The following PAX9 variants were observed in gnomAD, a reference collection of about 807,000 sequenced individuals.
PAX9 encodes paired box 9, also known as paired box protein Pax-9.
Under a neutral mutation model 29.1 loss-of-function variants are expected in PAX9, and 6 were observed. That is an observed-to-expected ratio of 0.21 (90% CI 0.11 to 0.41). The LOEUF (loss-of-function observed/expected upper bound fraction) is 0.41. PAX9 is among the 10% of genes least tolerant of loss of function. PAX9 has a pLI of 1.00. For missense variants in PAX9, 443 were observed against 479.1 expected (o/e 0.92, Z 0.70); for synonymous variants, 217 against 211.7 (o/e 1.03, Z -0.22).
In PAX9 at chr14:36,678,477, T is replaced by C; in HGVS notation, c.*2025T>C. ...GTAAAACTTCCATTGACATCTGGAG[T>C]TCCCAGTCTGGTGAGAAAATAGACT... On this transcript the variant is annotated 3_prime_UTR_variant, in exon 4 of 4. Coordinates refer to ENST00000361487, the MANE Select transcript of PAX9 (RefSeq NM_001372076.1). 2 of 1,536,256 alleles carry C rather than the reference T, an allele frequency of 1.3e-6. No individual in the cohort carries two copies. Among genetic ancestry groups the C allele is most frequent in the Non-Finnish European group, 1.7e-6 (2 of 1,146,116 alleles).
chr14:36,666,733 G>A, intron 3 of PAX9, 132 bp downstream of exon 3: 12 of 1,216,576 alleles, frequency 9.9e-6, no homozygotes, highest in Non-Finnish European at 1.4e-5. Flanking sequence ...GCTGCTACGA[G>A]CCAGATCCTT....
chr14:36,667,244 C>T (rs1378514230), intron 3 of PAX9, among the ~76,000 whole-genome samples: 1 of 148,144 alleles, frequency 6.8e-6, no homozygotes, highest in Non-Finnish European at 1.5e-5. Context: ...TCAAATTATA[C>T]GGACTGGCTG....
chr14:36,662,944 G>T lies in PAX9; in HGVS notation c.52G>T (p.Gly18Trp), dbSNP rs1247129323. 1 of 1,613,020 alleles carries T rather than the reference G, an allele frequency of 6.2e-7. No homozygotes were observed. Among genetic ancestry groups the T allele is most frequent in the African/African-American group, 1.3e-5 (1 of 74,944 alleles). Residue 18 changes from glycine (G) to tryptophan (W), a missense_variant, in exon 2 of 4, where the codon GGG becomes TGG. Around this residue, in one of 2 missense-constraint regions of PAX9, gnomAD observed 107 missense variants for 161.9 expected, o/e 0.66. Coordinates refer to ENST00000361487, the MANE Select transcript of PAX9 (RefSeq NM_001372076.1). ...CCAGCTGGGAGGAGTGTTCGTGAAC[G>T]GGAGGCCGCTGCCCAACGCCATCCG... is the stretch of plus-strand genomic sequence containing the variant. ...VNQLGGVFVN[G>W]RPLPNAIRLR...
At position 36,679,290 on chromosome 14, in the gene PAX9, T is replaced by C; in HGVS notation, c.*2838T>C. ...AGGATGTACAACAGAAGGCTATGTA[T>C]GTATATACAGTATGTCAAAAGCCTT... On this transcript the variant is annotated 3_prime_UTR_variant, in exon 4 of 4. Transcript: ENST00000361487. 3 of 978,360 alleles carry C rather than the reference T, an allele frequency of 3.1e-6. No individual in the cohort carries two copies. Among genetic ancestry groups the C allele is most frequent in the Non-Finnish European group, 3.6e-6 (3 of 823,570 alleles). 60.6% of individuals were successfully genotyped at this position (978,360 alleles called of 1,614,324 possible). A position where few individuals can be genotyped will look rare whatever the true frequency, so the allele number is the denominator to read the frequency against.
intron 2 of PAX9, among the ~76,000 whole-genome samples, chr14:36,663,799 C>A (rs151283413): frequency 3.9e-5 from 6 of 152,202 alleles, no homozygotes; most frequent in Non-Finnish European, 7.3e-5. Flanking sequence ...ATTTTCCACC[C>A]TCCCCCGCCT....
intron 3 of PAX9, among the ~76,000 whole-genome samples, chr14:36,669,540 G>C (rs892711432): frequency 1.3e-5 from 2 of 152,092 alleles, no homozygotes; most frequent in Non-Finnish European, 2.9e-5. Flanking sequence ...TACAAAGAAG[G>C]AAATTGAGAA....
chr14:36,662,478 CTTTG>C, intron 1 of PAX9: 3 of 392,738 alleles, frequency 7.6e-6, no homozygotes, highest in Non-Finnish European at 9.1e-6. Context: ...TTCCCCTAGA[CTTTG>C]TTTAACTGGC....
rs1380132195 is a variant in PAX9, at chr14:36,661,922, A to G, written c.-168A>G. 2.2e-5 allele frequency: 17 copies of G among 788,272 alleles called. No homozygotes were observed. In the East Asian group the frequency reaches 4.5e-4, roughly 21 times the overall value. The allele number at this position is 788,272 out of a possible 1,614,324, so 48.8% of individuals were successfully genotyped here. Reference sequence around the variant, plus strand: ...ACTCAAGCCTCTTTCATCGGGGCACAGACTTCCTTTTACTTCTTCCTTTTG... The same window carrying G: ...ACTCAAGCCTCTTTCATCGGGGCACGGACTTCCTTTTACTTCTTCCTTTTG... On this transcript the variant is annotated 5_prime_UTR_variant, in exon 1 of 4. Coordinates refer to ENST00000361487, the MANE Select transcript of PAX9 (RefSeq NM_001372076.1).
intron 3 of PAX9, among the ~76,000 whole-genome samples, chr14:36,668,119 G>A (rs939629908): frequency 6.6e-6 from 1 of 152,106 alleles, no homozygotes; most frequent in Non-Finnish European, 1.5e-5. Context: ...GTAAAAGTAA[G>A]TAATATTTAT....
rs1882039869 is a variant in PAX9, at chr14:36,678,823, A to C, written c.*2371A>C. 1 of 996,110 alleles carries C rather than the reference A, an allele frequency of 1.0e-6. No individual in the cohort carries two copies. The allele number at this position is 996,110 out of a possible 1,614,324, so 61.7% of individuals were successfully genotyped here. A position where few individuals can be genotyped will look rare whatever the true frequency, so the allele number is the denominator to read the frequency against. ...TCCTTTTCTCCCTCTAGGTCTTAAC[A>C]GTGAATTCACATGGAGTAATTTTTA... On this transcript the variant is annotated 3_prime_UTR_variant, in exon 4 of 4. Coordinates refer to ENST00000361487, the MANE Select transcript of PAX9 (RefSeq NM_001372076.1).
chr14:36,662,874 C>A, intron 1 of PAX9, 23 bp from the exon 2 acceptor site: 1 of 1,602,028 alleles, frequency 6.2e-7, no homozygotes, highest in Non-Finnish European at 8.5e-7. Context: ...CGCGTCCCTG[C>A]GCGCTGTGTG....
intron 1 of PAX9, 80 bp downstream of exon 1, chr14:36,662,173 A>AGCGCGAGG: frequency 8.0e-7 from 1 of 1,253,398 alleles, no homozygotes. Flanking sequence ...GGAGGGAGGG[A>AGCGCGAGG]GCGCGAGGGC....
upstream of PAX9, chr14:36,661,566 T>TC (rs145987322): frequency 0.012 from 2,181 of 179,838 alleles, 48 homozygotes; most frequent in African/African-American, 0.046. Flanking sequence ...TCGGGCCCCT[T>TC]CTCCCTTCGA....
At chr14:36,665,314 G>A (rs953459690) in intron 2 of PAX9, among the ~76,000 whole-genome samples, 1 of 152,110 alleles carries the variant, frequency 6.6e-6, no homozygotes, top group South Asian at 2.1e-4. Flanking sequence ...TTGTGATTTT[G>A]GATGCCAGCT....
chr14:36,663,398 C>G lies in PAX9; in HGVS notation c.506C>G (p.Ala169Gly), dbSNP rs1323425581. The G allele has an allele frequency of 6.2e-7, 1 of 1,613,326 alleles. No homozygotes were observed. The highest frequency in any genetic ancestry group is 8.5e-7 in the Non-Finnish European group (1 of 1,179,860). The change falls in exon 2 of 4, where the codon GCG (alanine) becomes GGG (glycine). Residue 169 changes from alanine (A) to glycine (G), a missense_variant. Transcript: ENST00000361487. ...IYSYPSPITA[A>G]AAKVPTPPGV... is the part of the protein sequence containing the mutation. ...TCGTACCCCAGCCCTATCACGGCGG[C>G]GGCCGCCAAGGTGCCCACGCCACCC... is the stretch of plus-strand genomic sequence containing the variant.
intron 1 of PAX9, chr14:36,662,631 C>G: frequency 1.9e-6 from 1 of 539,556 alleles, no homozygotes; most frequent in Non-Finnish European, 3.3e-6. Context: ...GACTTTTGAA[C>G]GCTCGGAGAG....
chr14:36,659,255 G>A (rs1881163212), upstream of PAX9, among the ~76,000 whole-genome samples: 1 of 152,182 alleles, frequency 6.6e-6, no homozygotes. Context: ...CTTGTTCTAG[G>A]TCCTGCATCC....
In PAX9 at chr14:36,679,334, TG is replaced by T; in HGVS notation, c.*2883del. ...AAGCCTTTTATTTTTATACTTCAAATGCTCTAAATTAATAAAAAGTAATAAT... is the reference window on the plus strand; with the variant it reads ...AAGCCTTTTATTTTTATACTTCAAATCTCTAAATTAATAAAAAGTAATAAT... On this transcript the variant is annotated 3_prime_UTR_variant, in exon 4 of 4. Transcript: ENST00000361487. 1 of 969,584 alleles carries T rather than the reference TG, an allele frequency of 1.0e-6. No homozygotes were observed. Among genetic ancestry groups the T allele is most frequent in the Non-Finnish European group, 1.2e-6 (1 of 815,556 alleles). The allele number at this position is 969,584 out of a possible 1,614,324, so 60.1% of individuals were successfully genotyped here.
intron 3 of PAX9, among the ~76,000 whole-genome samples, chr14:36,667,335 C>T (rs933334688): frequency 6.6e-6 from 1 of 151,808 alleles, no homozygotes; most frequent in African/African-American, 2.4e-5. Context: ...TTTTTATTTT[C>T]CCCCCGAGAA....
Sources: allele counts gnomAD v4.1 joint callset (sites outside exome capture counted in the v4.1 genomes callset), GRCh38; gene constraint gnomAD v4.1.1; regional missense constraint gnomAD v4.1.1; transcripts MANE v1.5; gene names NCBI Gene and HGNC (gene_info 2026-07-23, HGNC 2026-07-21).